The following NRXN3 variants were observed in gnomAD, a reference collection of about 807,000 sequenced individuals.
The protein encoded by NRXN3 is neurexin III.
Under a neutral mutation model 137.6 loss-of-function variants are expected in NRXN3, and 32 were observed. The ratio of observed to expected loss-of-function variants is 0.23; its 90% CI spans 0.18 to 0.31. The LOEUF is 0.31. Among genes scored for constraint, NRXN3 ranks in the 10% least tolerant of loss-of-function variants. The pLI is 1.00. For synonymous variants in NRXN3, 798 were observed against 784.5 expected (o/e 1.02, Z -0.29); for missense variants, 1,574 against 2,062.5 (o/e 0.76, Z 4.59).
chr14:79,467,587 CT>C (rs2096445977), intron 16 of NRXN3, among the ~76,000 whole-genome samples, 185 bp downstream of exon 16: 1 of 152,152 alleles, frequency 6.6e-6, no homozygotes, highest in Non-Finnish European at 1.5e-5. Flanking sequence ...AAAACTCTTC[CT>C]TCTTCCCCAT....
intron 2 of NRXN3, among the ~76,000 whole-genome samples, chr14:78,249,406 G>T (rs1436882801): frequency 6.6e-6 from 1 of 152,208 alleles, no homozygotes; most frequent in African/African-American, 2.4e-5. Flanking sequence ...CCATTTGCAG[G>T]CTGCTCCAGA....
chr14:78,834,539 T>C (rs1223099537), intron 10 of NRXN3, among the ~76,000 whole-genome samples: 5 of 152,208 alleles, frequency 3.3e-5, no homozygotes, highest in Non-Finnish European at 7.3e-5. Context: ...CCTGGGAAGC[T>C]GGCCTTTGAG....
chr14:78,973,864 G>A lies in NRXN3; in HGVS notation c.3142+5518G>A, dbSNP rs188226874. 1.1e-4 allele frequency among the ~76,000 whole-genome samples: 16 copies of A among 152,240 alleles called. No individual in the cohort carries two copies. In the East Asian group the frequency reaches 2.1e-3, roughly 20 times the overall value. On this transcript the variant is annotated intron_variant, in intron 14 of 20. Transcript: ENST00000335750. ...TAGAAGTAGTTAAGGCAAAGGTAAC[G>A]TTCAAAAAATTACTTTTCATCTAAA...
chr14:78,907,974 G>T (rs1204125165), intron 10 of NRXN3, among the ~76,000 whole-genome samples: 18 of 151,956 alleles, frequency 1.2e-4, no homozygotes, highest in Non-Finnish European at 2.9e-5. Flanking sequence ...ACAAGATCTT[G>T]TTCTTTTTTT....
At chr14:79,280,351 G>A (rs926969351) in intron 15 of NRXN3, 1 of 1,614,102 alleles carries the variant, frequency 6.2e-7, no homozygotes, top group African/African-American at 1.3e-5. Context: ...GGACGCTTGG[G>A]ATCTGGTTCC....
At chr14:78,950,181 T>A (rs2099384369) in intron 10 of NRXN3, among the ~76,000 whole-genome samples, 1 of 152,144 alleles carries the variant, frequency 6.6e-6, no homozygotes, top group South Asian at 2.1e-4. Context: ...CACAAAAGGA[T>A]CTTCCTGCCT....
chr14:79,235,807 G>A (rs1199383666), intron 15 of NRXN3, among the ~76,000 whole-genome samples: 2 of 151,894 alleles, frequency 1.3e-5, no homozygotes. Flanking sequence ...AATCTGTAAT[G>A]AATGACTCTG....
intron 4 of NRXN3, among the ~76,000 whole-genome samples, chr14:78,317,062 A>G (rs1468567630): frequency 1.3e-5 from 2 of 152,230 alleles, no homozygotes; most frequent in Non-Finnish European, 2.9e-5. Flanking sequence ...TGCCGTCTGC[A>G]AACTGGAGAG....
At chr14:78,247,318 C>G (rs2067843422) in intron 2 of NRXN3, among the ~76,000 whole-genome samples, 1 of 152,204 alleles carries the variant, frequency 6.6e-6, no homozygotes, top group Non-Finnish European at 1.5e-5. Context: ...GAGGTAGTTG[C>G]TTTGGGAGAG....
At chr14:79,629,161 A>G (rs2098315026) in intron 16 of NRXN3, among the ~76,000 whole-genome samples, 3 of 152,236 alleles carry the variant, frequency 2.0e-5, no homozygotes. Context: ...TTAAATGATC[A>G]AATTTGTATC....
chr14:79,050,911 C>T (rs937405812), intron 15 of NRXN3, among the ~76,000 whole-genome samples: 1 of 152,206 alleles, frequency 6.6e-6, no homozygotes, highest in African/African-American at 2.4e-5. Flanking sequence ...AATTCTCTCA[C>T]ACTGCAGAGA....
At chr14:78,454,786 C>A (rs1436767552) in intron 4 of NRXN3, among the ~76,000 whole-genome samples, 1 of 152,040 alleles carries the variant, frequency 6.6e-6, no homozygotes, top group African/African-American at 2.4e-5. Flanking sequence ...GTGTGTCTGG[C>A]AGAGGGAACA....
intron 4 of NRXN3, among the ~76,000 whole-genome samples, chr14:78,552,477 TCA>T (rs908563703): frequency 6.6e-6 from 1 of 152,126 alleles, no homozygotes; most frequent in African/African-American, 2.4e-5. Context: ...ATGAGAAGTC[TCA>T]GACACTGGCA....
At chr14:79,371,835 A>T (rs975089436) in intron 15 of NRXN3, among the ~76,000 whole-genome samples, 1 of 152,178 alleles carries the variant, frequency 6.6e-6, no homozygotes. Context: ...TTTTTATTGT[A>T]GGTATATGTT....
chr14:79,206,060 C>T (rs2066738983), intron 15 of NRXN3, among the ~76,000 whole-genome samples: 1 of 152,090 alleles, frequency 6.6e-6, no homozygotes, highest in African/African-American at 2.4e-5. Context: ...TCATAAAAGT[C>T]ATTCATTTTT....
chr14:78,210,708 G>A (rs987871300), intron 1 of NRXN3, among the ~76,000 whole-genome samples: 2 of 152,030 alleles, frequency 1.3e-5, no homozygotes, highest in African/African-American at 4.8e-5. Context: ...CAACCACGAT[G>A]TAGTTTTTGT....
intron 11 of NRXN3, among the ~76,000 whole-genome samples, chr14:78,965,711 G>C (rs1471473654): frequency 6.6e-6 from 1 of 152,128 alleles, no homozygotes; most frequent in Admixed American, 6.5e-5. Context: ...CTTATAGTGT[G>C]TATTAGTGTC....
chr14:79,587,824 G>C (rs2097774206), intron 16 of NRXN3, among the ~76,000 whole-genome samples: 1 of 152,124 alleles, frequency 6.6e-6, no homozygotes, highest in African/African-American at 2.4e-5. Flanking sequence ...AATGGAAACG[G>C]TCTTCAATTT....
intron 4 of NRXN3, among the ~76,000 whole-genome samples, chr14:78,502,478 T>G (rs948505206): frequency 6.6e-6 from 1 of 152,200 alleles, no homozygotes; most frequent in Non-Finnish European, 1.5e-5. Flanking sequence ...CTGAGCATGC[T>G]GGGTAACAAT....
Sources: gnomAD v4.1 joint callset for allele counts (sites outside exome capture counted in the v4.1 genomes callset) on GRCh38, gnomAD v4.1.1 for gene constraint, MANE v1.5 for transcripts, NCBI Gene and HGNC (gene_info 2026-07-23, HGNC 2026-07-21) for gene names.